JAKMIP3: variants seen among roughly 807,000 people sequenced by gnomAD.
JAKMIP3 encodes Janus kinase and microtubule interacting protein 3.
Under a neutral mutation model 118.5 loss-of-function variants are expected in JAKMIP3, and 58 were observed. The ratio of observed to expected loss-of-function variants is 0.49; its 90% CI spans 0.40 to 0.61. JAKMIP3 has a LOEUF of 0.61. Among genes scored for constraint, JAKMIP3 ranks in the 20% least tolerant of loss-of-function variants. The pLI, the probability that JAKMIP3 is intolerant of heterozygous loss-of-function variation, is 0.00. For synonymous variants in JAKMIP3, 486 were observed against 451.2 expected, an observed-to-expected ratio of 1.08 and a Z score of -0.98; for missense variants, 950 against 1,109.0, an observed-to-expected ratio of 0.86 and a Z score of 2.04.
intron 1 of JAKMIP3, among the ~76,000 whole-genome samples, chr10:132,066,907 A>G (rs2038879883): frequency 6.6e-6 from 1 of 152,056 alleles, no homozygotes; most frequent in South Asian, 2.1e-4. Context: ...CCATGCAGGC[A>G]CCCTAGGGAT....
intron 1 of JAKMIP3, among the ~76,000 whole-genome samples, chr10:132,051,423 A>C (rs1392626162): frequency 7.9e-6 from 1 of 127,374 alleles, no homozygotes; most frequent in African/African-American, 3.1e-5. Context: ...CGTTCTGGTT[A>C]TGTGGGGGGG....
Position 132,149,454 on chromosome 10 carries a change from C to T in JAKMIP3, c.1891C>T (p.Pro631Ser). ...KSPAISFHHT[P>S]FVDGKSPLQV... Reference sequence around the variant, plus strand: ...ACCCGCCATCAGCTTCCACCACACGCCCTTCGTGGACGGGAAGAGCCCCCT... The same window carrying T: ...ACCCGCCATCAGCTTCCACCACACGTCCTTCGTGGACGGGAAGAGCCCCCT... Residue 631 changes from proline (P) to serine (S), a missense_variant, in exon 15 of 24, where the codon CCC becomes TCC. Physicochemically the swap from Pro to Ser is moderately conservative, Grantham distance 74. Coordinates refer to ENST00000684848, the MANE Select transcript of JAKMIP3 (RefSeq NM_001323087.2). 6.2e-7 allele frequency: 1 copy of T among 1,606,954 alleles called. No homozygotes were observed. Among genetic ancestry groups the T allele is most frequent in the Middle Eastern group, 1.7e-4 (1 of 6,050 alleles).
At chr10:132,149,571 TCTCCGCCCCCGCCCCACCC>T (rs2055458232) in intron 15 of JAKMIP3, 61 bp downstream of exon 15, 31 of 311,834 alleles carry the variant, frequency 9.9e-5, no homozygotes, top group East Asian at 1.1e-4. Flanking sequence ...CCCCACCCCC[TCTCCGCCCCCGCCCCACCC>T]CCCTCCGCCC....
intron 2 of JAKMIP3, among the ~76,000 whole-genome samples, chr10:132,113,610 G>A (rs2047189193): frequency 6.6e-6 from 1 of 152,260 alleles, no homozygotes; most frequent in Non-Finnish European, 1.5e-5. Flanking sequence ...ATAGGGCTAA[G>A]AAAAGCCTGG....
intron 1 of JAKMIP3, among the ~76,000 whole-genome samples, chr10:132,058,574 T>C (rs796760645): frequency 4.6e-5 from 7 of 152,218 alleles, no homozygotes; most frequent in Non-Finnish European, 1.0e-4. Flanking sequence ...GGTGGTGAAC[T>C]TCAGCAATGA....
In JAKMIP3 at chr10:132,066,482, C is replaced by T. The variant is rs114005888; in HGVS notation, c.-138+421C>T. Among the ~76,000 whole-genome samples, 532 of 152,288 alleles carry T rather than the reference C, an allele frequency of 3.5e-3. 2 individuals are homozygous for T. The highest frequency in any genetic ancestry group is 0.012 in the African/African-American group (500 of 41,556). On this transcript the variant is annotated intron_variant, in intron 1 of 23. Transcript: ENST00000684848. The stretch of plus-strand genomic sequence containing the variant: ...GCACCAGAGAGCTGTCTGCACAGCC[C>T]GGGAGGCCTGCGGCGTCCGGGTGCT...
intron 1 of JAKMIP3, among the ~76,000 whole-genome samples, chr10:132,043,339 G>A (rs769859656): frequency 1.1e-4 from 17 of 152,032 alleles, no homozygotes; most frequent in Middle Eastern, 3.2e-3. Context: ...CTAAGTGCTG[G>A]GATTACAGGC....
chr10:132,139,064 G>GTGTGTGTGTGTA (rs2052532855), intron 9 of JAKMIP3, among the ~76,000 whole-genome samples: 1 of 151,132 alleles, frequency 6.6e-6, no homozygotes, highest in Non-Finnish European at 1.5e-5. Flanking sequence ...GTGTGTGTGT[G>GTGTGTGTGTGTA]TGTGTATGTG....
intron 1 of JAKMIP3, among the ~76,000 whole-genome samples, chr10:132,038,049 T>A (rs565095012): frequency 6.6e-6 from 1 of 152,278 alleles, no homozygotes; most frequent in South Asian, 2.1e-4. Flanking sequence ...TAGTTTGGAG[T>A]TCATTGAGGA....
intron 1 of JAKMIP3, among the ~76,000 whole-genome samples, chr10:132,071,910 C>CTTCCCTTCCTTTCCTTCCTTTCT (rs1210774217): frequency 1.5e-4 from 20 of 134,878 alleles, no homozygotes; most frequent in Non-Finnish European, 2.5e-4. Context: ...TCTTCCCTTC[C>CTTCCCTTCCTTTCCTTCCTTTCT]TTCCTTCCTT....
intron 9 of JAKMIP3, among the ~76,000 whole-genome samples, chr10:132,139,194 GT>G (rs1564947330): frequency 2.0e-4 from 17 of 83,536 alleles, no homozygotes; most frequent in African/African-American, 9.5e-4. Flanking sequence ...GTATGTGTGT[GT>G]ATGAGTGTGT....
In JAKMIP3 at chr10:132,117,890, A is replaced by G. The variant is rs947411962; in HGVS notation, c.633+316A>G. On this transcript the variant is annotated intron_variant, in intron 3 of 23. Transcript: ENST00000684848. The surrounding 1 kb of genome is among the most constrained non-coding windows in gnomAD (Gnocchi z 8.6). Reference sequence around the variant, plus strand: ...TTCTTAACTTGGGCCACAGCAAGAAACCTAGAAATCGGCACTGCCCATCCA... The same window carrying G: ...TTCTTAACTTGGGCCACAGCAAGAAGCCTAGAAATCGGCACTGCCCATCCA... Among the ~76,000 whole-genome samples the G allele has an allele frequency of 1.3e-5, 2 of 152,106 alleles. No individual in the cohort carries two copies. The highest frequency in any genetic ancestry group is 1.3e-4 in the Admixed American group (2 of 15,284).
Position 132,164,654 on chromosome 10 carries a change from C to G in JAKMIP3, c.2425-16C>G, listed in dbSNP as rs1207557307. 6.6e-7 allele frequency: 1 copy of G among 1,510,992 alleles called. No individual in the cohort carries two copies. 93.6% of individuals were successfully genotyped at this position (1,510,992 alleles called of 1,614,324 possible). ...TACTGTGACTATTGAAGATGTTCTT[C>G]CTTTTAATCTTGCAGAGAATTAAAG... On this transcript the variant is annotated splice_polypyrimidine_tract_variant and intron_variant, in intron 20 of 23. Transcript: ENST00000684848.
At chr10:132,061,246 A>ACACATACACCTGCCGTGACGGCGCG (rs2038388195), upstream of JAKMIP3, among the ~76,000 whole-genome samples, 1 of 56,204 alleles carries the variant, frequency 1.8e-5, no homozygotes, top group African/African-American at 7.3e-5. Flanking sequence ...GTGACGGCGC[A>ACACATACACCTGCCGTGACGGCGCG]CACACACACC....
intron 22 of JAKMIP3, among the ~76,000 whole-genome samples, 182 bp from the exon 23 acceptor site, chr10:132,167,771 T>C (rs2059059211): frequency 6.6e-6 from 1 of 151,840 alleles, no homozygotes; most frequent in South Asian, 2.1e-4. Flanking sequence ...AAGTGGAGTC[T>C]CCCTGACATC....
intron 13 of JAKMIP3, 109 bp downstream of exon 13, chr10:132,145,689 G>A (rs1255849181): frequency 2.0e-5 from 18 of 882,226 alleles, no homozygotes; most frequent in Middle Eastern, 3.4e-4. Flanking sequence ...GCTTCTGAAT[G>A]GCTGTCCCAG....
chr10:132,108,904 G>A lies in JAKMIP3; in HGVS notation c.135+3961G>A, dbSNP rs148570322. On this transcript the variant is annotated intron_variant, in intron 2 of 23. Transcript: ENST00000684848. Reference sequence around the variant, plus strand: ...ACAAATGTATATATAAATTATATACGCAAATGTATATATAAATTATATACG... The same window carrying A: ...ACAAATGTATATATAAATTATATACACAAATGTATATATAAATTATATACG... Among the ~76,000 whole-genome samples the A allele has an allele frequency of 5.0e-3, 705 of 141,666 alleles. 25 individuals are homozygous for A. The highest frequency in any genetic ancestry group is 0.018 in the African/African-American group (661 of 35,932). 92.9% of individuals were successfully genotyped at this position (141,666 alleles called of 152,430 possible).
At chr10:132,108,226 C>T (rs1386680751) in intron 2 of JAKMIP3, among the ~76,000 whole-genome samples, 2 of 152,178 alleles carry the variant, frequency 1.3e-5, no homozygotes, top group Non-Finnish European at 2.9e-5. Context: ...CTTGGTCCTG[C>T]TGGAGCAGAA....
At chr10:132,041,831 C>T (rs1170852291) in intron 1 of JAKMIP3, among the ~76,000 whole-genome samples, 1 of 152,038 alleles carries the variant, frequency 6.6e-6, no homozygotes, top group Non-Finnish European at 1.5e-5. Context: ...TGTTTCTTTT[C>T]TTTCTATCCT....
Sources: gnomAD v4.1 joint callset for allele counts (sites outside exome capture counted in the v4.1 genomes callset) on GRCh38, gnomAD v4.1.1 for gene constraint, Gnocchi (gnomAD v3.1) non-coding constraint, MANE v1.5 for transcripts, NCBI Gene and HGNC (gene_info 2026-07-23, HGNC 2026-07-21) for gene names.